The following CDH1 variants were observed in gnomAD, a reference collection of about 807,000 sequenced individuals.
The protein encoded by CDH1 is cadherin-1.
CDH1 carries 35 observed loss-of-function variants against 84.5 expected under a neutral mutation model. The ratio of observed to expected loss-of-function variants is 0.41; its 90% confidence interval spans 0.32 to 0.55. CDH1 has a LOEUF of 0.55. Among genes scored for constraint, CDH1 ranks in the 20% least tolerant of loss-of-function variants. The pLI is 0.19. For synonymous variants in CDH1, 417 were observed against 439.0 expected (o/e 0.95, Z 0.63); for missense variants, 994 against 1,126.6 (o/e 0.88, Z 1.68).
intron 2 of CDH1, among the ~76,000 whole-genome samples, chr16:68,751,237 G>T (rs567091268): frequency 9.3e-4 from 142 of 152,038 alleles, no homozygotes; most frequent in Non-Finnish European, 1.5e-3. Flanking sequence ...GACTTCTGAG[G>T]CTTCACTGAT....
At chr16:68,788,756 T>A (rs1960133658) in intron 2 of CDH1, among the ~76,000 whole-genome samples, 1 of 152,042 alleles carries the variant, frequency 6.6e-6, no homozygotes, top group African/African-American at 2.4e-5. Context: ...CTCAACACTT[T>A]TGGAGGCCGA....
chr16:68,806,293 G>A (rs760483242), intron 3 of CDH1, among the ~76,000 whole-genome samples: 17 of 151,964 alleles, frequency 1.1e-4, no homozygotes, highest in Non-Finnish European at 1.6e-4. Flanking sequence ...TTGGGACCCC[G>A]TGTGTGCCAC....
At chr16:68,760,104 A>AT (rs34055356) in intron 2 of CDH1, among the ~76,000 whole-genome samples, 11,789 of 113,498 alleles carry the variant, frequency 0.1, 665 homozygotes, top group Non-Finnish European at 0.15. Flanking sequence ...TTTTTTTTTA[A>AT]TTTTTTTTTT....
chr16:68,787,825 ATTT>A (rs58676133), intron 2 of CDH1, among the ~76,000 whole-genome samples: 4 of 102,330 alleles, frequency 3.9e-5, no homozygotes, highest in African/African-American at 7.8e-5. Flanking sequence ...CGCCCGGCTA[ATTT>A]TTTTTTTTTT....
rs543318502 is a variant in CDH1, at chr16:68,812,597, G to A, written c.1137+334G>A. On this transcript the variant is annotated intron_variant, in intron 8 of 15. Coordinates refer to ENST00000261769, the MANE Select transcript of CDH1 (RefSeq NM_004360.5). ...TAAGTTTATATTAGGCACTGTGTTA[G>A]ACACTGGAGAGACCATCACACACAA... Among the ~76,000 whole-genome samples the A allele has an allele frequency of 5.9e-5, 9 of 152,322 alleles. No homozygotes were observed. In the East Asian group the frequency reaches 9.6e-4, roughly 16 times the overall value.
chr16:68,802,775 G>A (rs34136676), intron 3 of CDH1, among the ~76,000 whole-genome samples: 2,413 of 152,212 alleles, frequency 0.016, 41 homozygotes, highest in Non-Finnish European at 0.025. Context: ...CTGGCCAAGA[G>A]CTGGATTCTC....
rs587782823 is a variant in CDH1, at chr16:68,829,676, A to G, written c.2318A>G (p.His773Arg). ...AAGGACTTTGACTTGAGCCAGCTGC[A>G]CAGGGGCCTGGACGCTCGGCCTGAA... ...EDQDFDLSQL[H>R]RGLDARPEVT... Residue 773 changes from histidine (H) to arginine (R), a missense_variant, in exon 15 of 16, where the codon CAC becomes CGC. This residue lies in a region of CDH1 where 769 missense variants were observed against 881.8 expected (regional missense o/e 0.87). Transcript: ENST00000261769. 42 of 1,614,042 alleles carry G rather than the reference A, an allele frequency of 2.6e-5. No individual in the cohort carries two copies. Among genetic ancestry groups the G allele is most frequent in the Non-Finnish European group, 3.4e-5 (40 of 1,180,056 alleles).
intron 11 of CDH1, 55 bp from the exon 12 acceptor site, chr16:68,821,946 A>G (rs1428567496): frequency 5.9e-6 from 8 of 1,364,696 alleles, no homozygotes; most frequent in East Asian, 2.3e-5. Flanking sequence ...GTGGAAGGCA[A>G]TGGGGATTCA....
Position 68,829,686 on chromosome 16 carries a change from G to A in CDH1, c.2328G>A (p.Leu776=), listed in dbSNP as rs1302712373. Reference sequence around the variant, plus strand: ...ACTTGAGCCAGCTGCACAGGGGCCTGGACGCTCGGCCTGAAGTGACTCGTA... The same window carrying A: ...ACTTGAGCCAGCTGCACAGGGGCCTAGACGCTCGGCCTGAAGTGACTCGTA... The part of the protein sequence containing the change: ...DFDLSQLHRG[L]DARPEVTRND... Residue 776 remains leucine (L), a synonymous_variant, in exon 15 of 16, where the codon CTG becomes CTA. Coordinates refer to ENST00000261769, the MANE Select transcript of CDH1 (RefSeq NM_004360.5). 1 of 1,613,994 alleles carries A rather than the reference G, an allele frequency of 6.2e-7. No individual in the cohort carries two copies. The highest frequency in any genetic ancestry group is 1.3e-5 in the African/African-American group (1 of 74,906).
chr16:68,827,211 C>T (rs1961343660), intron 13 of CDH1, among the ~76,000 whole-genome samples: 1 of 152,060 alleles, frequency 6.6e-6, no homozygotes, highest in Admixed American at 6.6e-5. Context: ...GTGGTGGTTT[C>T]AGTGAGCTGA....
chr16:68,807,362 T>C (rs1280399284), intron 3 of CDH1, among the ~76,000 whole-genome samples: 1 of 152,136 alleles, frequency 6.6e-6, no homozygotes, highest in Admixed American at 6.6e-5. Flanking sequence ...GTTGAGGACC[T>C]GTGTCCCCAA....
At chr16:68,770,143 A>T in intron 2 of CDH1, among the ~76,000 whole-genome samples, 1 of 151,980 alleles carries the variant, frequency 6.6e-6, no homozygotes. Flanking sequence ...CCTCAGAATC[A>T]TAAAGTTGGA....
chr16:68,805,612 G>A (rs1466600672), intron 3 of CDH1, among the ~76,000 whole-genome samples: 14 of 151,982 alleles, frequency 9.2e-5, no homozygotes, highest in Admixed American at 9.2e-4. Context: ...TTTCTTTTTT[G>A]AGATGCAGTT....
intron 2 of CDH1, among the ~76,000 whole-genome samples, chr16:68,780,863 C>T (rs1342014094): frequency 6.6e-6 from 1 of 152,154 alleles, no homozygotes; most frequent in African/African-American, 2.4e-5. Flanking sequence ...GAGAGCTGGG[C>T]TTTTATTCTG....
At position 68,811,845 on chromosome 16, in the gene CDH1, G is replaced by A. The variant is rs587781759; in HGVS notation, c.994G>A (p.Gly332Arg). The A allele has an allele frequency of 3.1e-6, 5 of 1,614,164 alleles. No homozygotes were observed. The South Asian group carries it at 5.5e-5, about 18-fold the overall frequency. ...AGGAGTCATCAGTGTGGTCACCACT[G>A]GGCTGGACCGAGAGGTCAGGGGTCA... ...NTGVISVVTT[G>R]LDRESFPTYT... The change falls in exon 7 of 16, where the codon GGG (glycine) becomes AGG (arginine). Residue 332 changes from glycine to arginine, a missense_variant. Gly to Arg is a moderately radical substitution (Grantham distance 125). Coordinates refer to ENST00000261769, the MANE Select transcript of CDH1 (RefSeq NM_004360.5).
At chr16:68,770,553 C>T (rs1959541779) in intron 2 of CDH1, among the ~76,000 whole-genome samples, 2 of 151,912 alleles carry the variant, frequency 1.3e-5, no homozygotes, top group Admixed American at 6.6e-5. Context: ...ATAAGGATTT[C>T]AGAGGGCAGC....
At chr16:68,747,133 G>A (rs1295149595) in intron 2 of CDH1, among the ~76,000 whole-genome samples, 1 of 152,192 alleles carries the variant, frequency 6.6e-6, no homozygotes, top group Non-Finnish European at 1.5e-5. Flanking sequence ...ACTGGAATGA[G>A]AATGTGTTCA....
chr16:68,832,048 C>T (rs1310576388), intron 15 of CDH1, among the ~76,000 whole-genome samples: 2 of 152,110 alleles, frequency 1.3e-5, no homozygotes, highest in Non-Finnish European at 2.9e-5. Context: ...AAACCAAATA[C>T]CACGTGTTCT....
chr16:68,823,364 C>G, intron 12 of CDH1, 35 bp from the exon 13 acceptor site: 1 of 1,438,548 alleles, frequency 7.0e-7, no homozygotes, highest in Non-Finnish European at 9.8e-7. Context: ...TTTTCCTCCC[C>G]TGGTCTCATC....
Sources: allele counts gnomAD v4.1 joint callset (sites outside exome capture counted in the v4.1 genomes callset), GRCh38; gene constraint gnomAD v4.1.1; regional missense constraint gnomAD v4.1.1; transcripts MANE v1.5; gene names NCBI Gene and HGNC (gene_info 2026-07-23, HGNC 2026-07-21).